The following MGAT4C variants were observed in gnomAD, a reference collection of about 807,000 sequenced individuals.
MGAT4C encodes alpha-1,3-mannosyl-glycoprotein 4-beta-N-acetylglucosaminyltransferase C.
MGAT4C carries 19 observed loss-of-function variants against 40.1 expected under a neutral mutation model. The observed-to-expected ratio is 0.47, with a 90% CI of 0.33 to 0.70. The LOEUF is 0.70. MGAT4C is among the 30% of genes least tolerant of loss of function. The pLI is 0.02. For synonymous variants in MGAT4C, 181 were observed against 187.1 expected (o/e 0.97, Z 0.27); for missense variants, 491 against 563.2 (o/e 0.87, Z 1.30).
chr12:85,994,037 G>A (rs1377084042), intron 2 of MGAT4C, among the ~76,000 whole-genome samples: 2 of 152,168 alleles, frequency 1.3e-5, no homozygotes, highest in Non-Finnish European at 2.9e-5. Context: ...GGAGGGCGAG[G>A]CTCCTGCCTG....
chr12:86,759,850 T>A (rs1199296401), intron 1 of MGAT4C, among the ~76,000 whole-genome samples: 1 of 152,158 alleles, frequency 6.6e-6, no homozygotes, highest in East Asian at 1.9e-4. Flanking sequence ...GCCTCTTTTC[T>A]CTGTTGATTA....
chr12:85,986,284 G>T (rs1228622701), intron 3 of MGAT4C, among the ~76,000 whole-genome samples: 1 of 152,094 alleles, frequency 6.6e-6, no homozygotes, highest in Non-Finnish European at 1.5e-5. Flanking sequence ...ATAAGACAAA[G>T]CTTTATGACA....
At chr12:86,771,085 A>G (rs954075557) in intron 1 of MGAT4C, among the ~76,000 whole-genome samples, 6 of 152,130 alleles carry the variant, frequency 3.9e-5, no homozygotes, top group African/African-American at 1.2e-4. Context: ...GTACAGATCT[A>G]TAGAGAGATG....
intron 4 of MGAT4C, among the ~76,000 whole-genome samples, chr12:86,287,665 G>A (rs143159901): frequency 1.3e-5 from 2 of 152,118 alleles, no homozygotes; most frequent in Non-Finnish European, 2.9e-5. Context: ...CTTCATCCAC[G>A]TCCCTGCAAA....
intron 4 of MGAT4C, among the ~76,000 whole-genome samples, chr12:86,262,770 C>T (rs1952687225): frequency 6.6e-6 from 1 of 151,670 alleles, no homozygotes; most frequent in South Asian, 2.1e-4. Flanking sequence ...ATTTGATAAA[C>T]CTTTTAAAGG....
At chr12:86,714,464 G>A (rs922757068) in intron 2 of MGAT4C, among the ~76,000 whole-genome samples, 1 of 152,040 alleles carries the variant, frequency 6.6e-6, no homozygotes, top group Non-Finnish European at 1.5e-5. Flanking sequence ...GGGACCCGGT[G>A]GGAGATAATT....
intron 2 of MGAT4C, among the ~76,000 whole-genome samples, chr12:86,491,186 A>G (rs1470974165): frequency 6.6e-6 from 1 of 152,170 alleles, no homozygotes; most frequent in East Asian, 1.9e-4. Flanking sequence ...CCAGGACCAG[A>G]TGGATTCACA....
chr12:86,221,034 C>T (rs1436481776), intron 1 of MGAT4C, among the ~76,000 whole-genome samples: 1 of 152,146 alleles, frequency 6.6e-6, no homozygotes, highest in Non-Finnish European at 1.5e-5. Context: ...TACCTGTTGA[C>T]TGAACCGGGG....
intron 1 of MGAT4C, among the ~76,000 whole-genome samples, chr12:86,082,358 C>A (rs150350930): frequency 6.6e-6 from 1 of 152,126 alleles, no homozygotes; most frequent in African/African-American, 2.4e-5. Context: ...CTGTGTCTTT[C>A]TTTCCCCAGA....
chr12:86,785,615 A>C (rs1803192624), intron 1 of MGAT4C, among the ~76,000 whole-genome samples: 1 of 151,888 alleles, frequency 6.6e-6, no homozygotes, highest in Non-Finnish European at 1.5e-5. Context: ...AAATAACAAT[A>C]GTCAATAAAA....
chr12:86,088,934 A>G (rs1243617005), intron 1 of MGAT4C, among the ~76,000 whole-genome samples: 3 of 152,026 alleles, frequency 2.0e-5, no homozygotes, highest in Non-Finnish European at 4.4e-5. Flanking sequence ...AATTGTAAGT[A>G]TTATTGTCTT....
intron 2 of MGAT4C, among the ~76,000 whole-genome samples, chr12:86,646,506 C>T (rs1465502316): frequency 1.3e-5 from 2 of 151,838 alleles, no homozygotes; most frequent in Non-Finnish European, 2.9e-5. Context: ...TGAGTATAGA[C>T]TACAAGTTCT....
At chr12:86,342,924 T>C (rs1419880244) in intron 3 of MGAT4C, among the ~76,000 whole-genome samples, 1 of 152,150 alleles carries the variant, frequency 6.6e-6, no homozygotes, top group African/African-American at 2.4e-5. Flanking sequence ...ATGTATTACA[T>C]GTTGTTTTCC....
In MGAT4C at chr12:86,308,734, A is replaced by G. The variant is rs756532484; in HGVS notation, c.-57+25331T>C. Among the ~76,000 whole-genome samples, 83 of 150,710 alleles carry G rather than the reference A, an allele frequency of 5.5e-4. 1 individual carries two copies. Among genetic ancestry groups the G allele is most frequent in the Non-Finnish European group, 9.9e-4 (67 of 68,000 alleles). ...ATACAGAAGTCCCCAGTAGATAATC[A>G]TATTTTTCCTGTAGTTATATTTAGT... On this transcript the variant is annotated intron_variant, in intron 4 of 7. Coordinates refer to the MGAT4C transcript ENST00000548651.
chr12:86,621,454 T>A (rs755939205), intron 2 of MGAT4C, among the ~76,000 whole-genome samples: 2 of 152,146 alleles, frequency 1.3e-5, no homozygotes, highest in Non-Finnish European at 2.9e-5. Context: ...TTATAATGTT[T>A]GCTTTTTTGT....
At chr12:86,269,095 T>C (rs902375369) in intron 4 of MGAT4C, among the ~76,000 whole-genome samples, 17 of 144,212 alleles carry the variant, frequency 1.2e-4, no homozygotes, top group Admixed American at 4.2e-4. Context: ...ATGTGGAGTT[T>C]TCACTAACCT....
At chr12:85,991,798 C>A (rs1163650445) in intron 2 of MGAT4C, among the ~76,000 whole-genome samples, 1 of 152,130 alleles carries the variant, frequency 6.6e-6, no homozygotes, top group African/African-American at 2.4e-5. Context: ...TTGAGACCTG[C>A]CTGGGCAATA....
At chr12:86,554,767 A>T (rs2136401040) in intron 2 of MGAT4C, among the ~76,000 whole-genome samples, 1 of 152,312 alleles carries the variant, frequency 6.6e-6, no homozygotes, top group African/African-American at 2.4e-5. Context: ...GCTATAACAA[A>T]TTGCCAGAAA....
intron 2 of MGAT4C, among the ~76,000 whole-genome samples, chr12:86,719,341 A>C (rs544581700): frequency 6.6e-6 from 1 of 152,294 alleles, no homozygotes; most frequent in South Asian, 2.1e-4. Context: ...GTTTCAGTAC[A>C]GCTCCTTCAG....
Sources: gnomAD v4.1 joint callset for allele counts (sites outside exome capture counted in the v4.1 genomes callset) on GRCh38, gnomAD v4.1.1 for gene constraint, MANE v1.5 for transcripts, NCBI Gene and HGNC (gene_info 2026-07-23, HGNC 2026-07-21) for gene names.